The following KATNIP variants were observed in gnomAD, a reference collection of about 807,000 sequenced individuals.
KATNIP encodes the protein katanin-interacting protein.
In KATNIP, 126 loss-of-function variants were observed where a neutral mutation model predicts 174.0. That is an observed-to-expected ratio of 0.72 (90% CI 0.63 to 0.84). The LOEUF (loss-of-function observed/expected upper bound fraction) is 0.84, where lower values mean the gene tolerates loss of function less well. Ranked by LOEUF, KATNIP falls within the 40% of genes least tolerant of loss-of-function variation. The probability of loss-of-function intolerance (pLI) is 0.00; values close to 1 mark genes in which losing one functional copy is unlikely to be tolerated. For synonymous variants in KATNIP, 810 were observed against 835.7 expected (o/e 0.97, Z 0.53); for missense variants, 1,958 against 2,109.7 (o/e 0.93, Z 1.41).
At chr16:27,665,312 C>T (rs1403977928) in intron 6 of KATNIP, among the ~76,000 whole-genome samples, 1 of 151,760 alleles carries the variant, frequency 6.6e-6, no homozygotes, top group Non-Finnish European at 1.5e-5. Context: ...ACCATGTTGG[C>T]CGTGCTAGTC....
At chr16:27,554,667 T>C (rs1056524151) in intron 1 of KATNIP, among the ~76,000 whole-genome samples, 2 of 152,172 alleles carry the variant, frequency 1.3e-5, no homozygotes, top group Non-Finnish European at 2.9e-5. Context: ...TAGAGGGGTA[T>C]GTTCATTTTC....
At position 27,735,667 on chromosome 16, in the gene KATNIP, A is replaced by G. The variant is rs543929554; in HGVS notation, c.1744-4374A>G. Among the ~76,000 whole-genome samples, 6 of 152,344 alleles carry G rather than the reference A, an allele frequency of 3.9e-5. No homozygotes were observed. In the East Asian group the frequency reaches 1.2e-3, roughly 29 times the overall value. On this transcript the variant is annotated intron_variant, in intron 14 of 27. Coordinates refer to ENST00000261588, the MANE Select transcript of KATNIP (RefSeq NM_015202.5). ...CTGCCATCTGCAATTGGAGGATTGA[A>G]GCCGAGTTCCTGTGGCGTAACGCAG... is the stretch of plus-strand genomic sequence containing the variant.
chr16:27,586,432 C>G (rs1257218856), intron 2 of KATNIP, among the ~76,000 whole-genome samples: 3 of 144,406 alleles, frequency 2.1e-5, no homozygotes, highest in African/African-American at 7.8e-5. Flanking sequence ...CATAGTGAGA[C>G]CCTGCCTCAA....
chr16:27,566,508 C>T (rs2090095244), intron 1 of KATNIP, among the ~76,000 whole-genome samples: 1 of 151,590 alleles, frequency 6.6e-6, no homozygotes, highest in South Asian at 2.1e-4. Context: ...TGCACTCCAG[C>T]CCCAGGCGAC....
rs115490356 is a variant in KATNIP, at chr16:27,649,569, C to T, written c.540+834C>T. On this transcript the variant is annotated intron_variant, in intron 6 of 27. Coordinates refer to ENST00000261588, the MANE Select transcript of KATNIP (RefSeq NM_015202.5). The stretch of plus-strand genomic sequence containing the variant: ...GCATTGGTACAATCATAGCTCACTG[C>T]AGCCTTGAACTCCTGGGCTCAAGCC... Among the ~76,000 whole-genome samples, 1,503 of 152,292 alleles carry T rather than the reference C, an allele frequency of 9.9e-3. 30 individuals are homozygous for T. Among genetic ancestry groups the T allele is most frequent in the African/African-American group, 0.034 (1,402 of 41,542 alleles).
intron 2 of KATNIP, among the ~76,000 whole-genome samples, chr16:27,577,558 G>A (rs1386296295): frequency 1.3e-5 from 2 of 152,128 alleles, no homozygotes; most frequent in Non-Finnish European, 2.9e-5. Flanking sequence ...CGGACGTGGT[G>A]GCAGGTGCCT....
intron 1 of KATNIP, among the ~76,000 whole-genome samples, chr16:27,552,399 A>G (rs1486039923): frequency 6.7e-6 from 1 of 149,944 alleles, no homozygotes; most frequent in Non-Finnish European, 1.5e-5. Context: ...TTTTTTGAGA[A>G]AAAGTCTCAC....
chr16:27,674,986 C>T (rs1208700766), intron 6 of KATNIP, among the ~76,000 whole-genome samples: 1 of 152,204 alleles, frequency 6.6e-6, no homozygotes, highest in Non-Finnish European at 1.5e-5. Flanking sequence ...AAATTTTTCT[C>T]ATCTGTAGAT....
intron 5 of KATNIP, among the ~76,000 whole-genome samples, chr16:27,645,567 C>T (rs2076934069): frequency 6.6e-6 from 1 of 152,218 alleles, no homozygotes; most frequent in Admixed American, 6.5e-5. Context: ...GAGAACATGG[C>T]TCCTGTTTTC....
chr16:27,550,725 GT>G (rs1420093974), intron 1 of KATNIP, among the ~76,000 whole-genome samples: 2 of 152,172 alleles, frequency 1.3e-5, no homozygotes, highest in Admixed American at 1.3e-4. Context: ...AGCCTTTTGA[GT>G]TCAGCGTTGT....
At chr16:27,574,671 TCTC>T (rs750394595) in intron 2 of KATNIP, among the ~76,000 whole-genome samples, 64 of 148,996 alleles carry the variant, frequency 4.3e-4, no homozygotes, top group South Asian at 1.1e-3. Flanking sequence ...TTCAAGCAAT[TCTC>T]CTGCCTTAGC....
intron 2 of KATNIP, among the ~76,000 whole-genome samples, chr16:27,580,001 G>A (rs1434035341): frequency 1.3e-5 from 2 of 151,984 alleles, no homozygotes; most frequent in Admixed American, 1.3e-4. Flanking sequence ...GATCCAGGGT[G>A]CCTCCAGGGA....
intron 3 of KATNIP, among the ~76,000 whole-genome samples, chr16:27,619,419 G>T (rs986086709): frequency 2.0e-5 from 3 of 152,172 alleles, no homozygotes; most frequent in East Asian, 1.9e-4. Context: ...CAGAACTGGT[G>T]GGGGGAAGGG....
At chr16:27,555,177 T>C (rs1158161504) in intron 1 of KATNIP, among the ~76,000 whole-genome samples, 2 of 152,196 alleles carry the variant, frequency 1.3e-5, no homozygotes, top group African/African-American at 4.8e-5. Flanking sequence ...TCTAACTAAC[T>C]AGGTAAGCCA....
intron 7 of KATNIP, among the ~76,000 whole-genome samples, chr16:27,680,601 A>G (rs1450356601): frequency 6.6e-6 from 1 of 152,066 alleles, no homozygotes; most frequent in Non-Finnish European, 1.5e-5. Flanking sequence ...ATCATAACTC[A>G]CTGCAGTCTC....
intron 2 of KATNIP, among the ~76,000 whole-genome samples, chr16:27,601,627 T>G (rs907343151): frequency 3.3e-5 from 5 of 151,992 alleles, no homozygotes; most frequent in Non-Finnish European, 7.4e-5. Flanking sequence ...GCAATGACCT[T>G]GAGAAAGAGC....
At chr16:27,698,828 A>G (rs2079003382) in intron 9 of KATNIP, among the ~76,000 whole-genome samples, 2 of 152,212 alleles carry the variant, frequency 1.3e-5, no homozygotes, top group Admixed American at 1.3e-4. Context: ...TGGAGTCAAC[A>G]ACAAGCTCTG....
At position 27,677,754 on chromosome 16, in the gene KATNIP, G is replaced by C. The variant is rs1374862914; in HGVS notation, c.566G>C (p.Ser189Thr). ...GAGCTGAGAAGAAGCCTGGAACTTA[G>C]TGTAAATCTACAAAGGAAACAAAAG... ...PQELRRSLEL[S>T]VNLQRKQKDC... The change falls in exon 7 of 28, where the codon AGT (serine) becomes ACT (threonine). Residue 189 changes from serine to threonine, a missense_variant. Coordinates refer to ENST00000261588, the MANE Select transcript of KATNIP (RefSeq NM_015202.5). 1.2e-6 allele frequency: 2 copies of C among 1,611,376 alleles called. No homozygotes were observed. The highest frequency in any genetic ancestry group is 1.7e-6 in the Non-Finnish European group (2 of 1,177,592).
chr16:27,775,109 C>A, intron 24 of KATNIP, 25 bp downstream of exon 24: 1 of 1,605,086 alleles, frequency 6.2e-7, no homozygotes, highest in Non-Finnish European at 8.5e-7. Context: ...GCGGCCACCG[C>A]AGCTCCTGGC....
Sources: gnomAD v4.1 joint callset for allele counts (sites outside exome capture counted in the v4.1 genomes callset) on GRCh38, gnomAD v4.1.1 for gene constraint, MANE v1.5 for transcripts, NCBI Gene and HGNC (gene_info 2026-07-23, HGNC 2026-07-21) for gene names.